SPTLC1: variants seen among roughly 807,000 people sequenced by gnomAD.
The protein encoded by SPTLC1 is serine palmitoyltransferase 1.
A neutral mutation model predicts 68.9 loss-of-function variants in SPTLC1; 55 were observed. That is an observed-to-expected ratio of 0.80 (90% CI 0.64 to 1.00). The LOEUF is 1.00. Among genes scored for constraint, SPTLC1 ranks in the 50% least tolerant of loss-of-function variants. The pLI, the probability that SPTLC1 is intolerant of heterozygous loss-of-function variation, is 0.00. For missense variants in SPTLC1, 449 were observed against 573.1 expected, an observed-to-expected ratio of 0.78 and a Z score of 2.21; for synonymous variants, 197 against 201.6, an observed-to-expected ratio of 0.98 and a Z score of 0.19.
intron 7 of SPTLC1, among the ~76,000 whole-genome samples, chr9:92,057,081 T>C (rs1006763525): frequency 9.9e-5 from 15 of 152,266 alleles, no homozygotes; most frequent in African/African-American, 3.4e-4. Flanking sequence ...ATAATTTTTG[T>C]CTTTCTTGTA....
intron 3 of SPTLC1, among the ~76,000 whole-genome samples, chr9:92,102,383 A>G (rs1835786898): frequency 1.3e-5 from 2 of 152,252 alleles, no homozygotes; most frequent in African/African-American, 4.8e-5. Flanking sequence ...ATTCTACATT[A>G]CTGAAATTAA....
At chr9:92,092,011 C>T (rs914654746) in intron 3 of SPTLC1, among the ~76,000 whole-genome samples, 4 of 152,122 alleles carry the variant, frequency 2.6e-5, no homozygotes, top group Admixed American at 6.5e-5. Flanking sequence ...AATTTAAAAA[C>T]GAAACAGAGA....
rs143398907 is a variant in SPTLC1 at position 92,064,331 on chromosome 9, C to T, written c.560+3635G>A. ...ACAAATCATACAACTAGAAAATGGA[C>T]ATGAAAAGACATTTCACTGAAGAGA... On this transcript the variant is annotated intron_variant, in intron 6 of 14. Coordinates refer to ENST00000262554, the MANE Select transcript of SPTLC1 (RefSeq NM_006415.4). Among the ~76,000 whole-genome samples, 322 of 152,164 alleles carry T rather than the reference C, an allele frequency of 2.1e-3. 1 individual carries two copies. The highest frequency in any genetic ancestry group is 7.2e-3 in the African/African-American group (301 of 41,522).
chr9:92,055,541 G>A, intron 7 of SPTLC1, 47 bp from the exon 8 acceptor site: 1 of 1,578,900 alleles, frequency 6.3e-7, no homozygotes, highest in Non-Finnish European at 8.7e-7. Flanking sequence ...TAACTCTGAA[G>A]ACAAGATCTG....
intron 3 of SPTLC1, among the ~76,000 whole-genome samples, chr9:92,096,717 C>T (rs965184913): frequency 3.9e-5 from 6 of 152,094 alleles, no homozygotes; most frequent in Non-Finnish European, 7.4e-5. Context: ...AGGGCAAAAA[C>T]TATAAACTGT....
At chr9:92,057,317 G>A (rs1833928857) in intron 7 of SPTLC1, among the ~76,000 whole-genome samples, 1 of 152,104 alleles carries the variant, frequency 6.6e-6, no homozygotes, top group Non-Finnish European at 1.5e-5. Flanking sequence ...CCTTCAAAAT[G>A]TGACATCATT....
rs767902077 is a variant in SPTLC1, at chr9:92,045,959, C to A, written c.1136+40G>T. On this transcript the variant is annotated intron_variant, in intron 12 of 14. Coordinates refer to ENST00000262554, the MANE Select transcript of SPTLC1 (RefSeq NM_006415.4). ...TTTCCATTAGTTGTTAAGTGTGGTGCAGATAAACTTTATGTTGGTTGAAAA... is the reference window on the plus strand; with the variant it reads ...TTTCCATTAGTTGTTAAGTGTGGTGAAGATAAACTTTATGTTGGTTGAAAA... 9.6e-6 allele frequency: 15 copies of A among 1,555,180 alleles called. No homozygotes were observed. In the Middle Eastern group the frequency reaches 5.0e-4, roughly 52 times the overall value.
At chr9:92,052,349 T>C (rs548196957) in intron 8 of SPTLC1, among the ~76,000 whole-genome samples, 1 of 152,204 alleles carries the variant, frequency 6.6e-6, no homozygotes, top group Admixed American at 6.5e-5. Flanking sequence ...ATTAAACAAA[T>C]GATGCAGGCA....
chr9:92,060,264 A>G (rs934883275), intron 6 of SPTLC1, among the ~76,000 whole-genome samples: 4 of 152,206 alleles, frequency 2.6e-5, no homozygotes, highest in South Asian at 2.1e-4. Flanking sequence ...CAGCGGCACA[A>G]TATGAAAGTG....
intron 2 of SPTLC1, 134 bp from the exon 3 acceptor site, chr9:92,108,968 T>C: frequency 1.5e-6 from 2 of 1,375,162 alleles, no homozygotes; most frequent in Non-Finnish European, 1.0e-6. Context: ...TTATTCAAGC[T>C]TATGTCTTCA....
At chr9:92,110,487 C>G (rs1836189968) in intron 2 of SPTLC1, 1 of 152,022 alleles carries the variant, frequency 6.6e-6, no homozygotes, top group Non-Finnish European at 1.5e-5. Context: ...ATGAATGAAC[C>G]CAAAAAGGAT....
chr9:92,034,133 C>T (rs1166073899), intron 14 of SPTLC1, among the ~76,000 whole-genome samples: 2 of 152,252 alleles, frequency 1.3e-5, no homozygotes, highest in Admixed American at 6.5e-5. Flanking sequence ...CCGACACACA[C>T]ACTTCTCTAG....
In SPTLC1 at chr9:92,050,025, C is replaced by T; in HGVS notation, c.823G>A (p.Glu275Lys). ...CCTAGGACTCCAAATGAAAGGCTTT[C>T]CTCCAGGAAGATTCTTGCTTTGTAT... Reference protein sequence around the residue: ...YKYKARIFLEESLSFGVLGEH... With the variant: ...YKYKARIFLEKSLSFGVLGEH... Residue 275 changes from glutamate to lysine, a missense_variant, in exon 9 of 15, where the codon GAA (glutamate) becomes AAA (lysine). Transcript: ENST00000262554. The T allele has an allele frequency of 6.2e-7, 1 of 1,613,926 alleles. No homozygotes were observed.
At chr9:92,101,288 C>T (rs189401503) in intron 3 of SPTLC1, among the ~76,000 whole-genome samples, 59 of 151,928 alleles carry the variant, frequency 3.9e-4, no homozygotes, top group African/African-American at 1.4e-3. Context: ...ACAGGCCAGG[C>T]GTGGTGGCTC....
intron 3 of SPTLC1, among the ~76,000 whole-genome samples, chr9:92,097,382 T>A (rs1835566776): frequency 6.6e-6 from 1 of 152,232 alleles, no homozygotes; most frequent in African/African-American, 2.4e-5. Flanking sequence ...TCATAGCAGT[T>A]TTATTATTTT....
chr9:92,072,126 A>G (rs117506206), intron 5 of SPTLC1, among the ~76,000 whole-genome samples: 4,782 of 152,256 alleles, frequency 0.031, 93 homozygotes, highest in Non-Finnish European at 0.049. Context: ...GGACGCATGC[A>G]TAACATTCGG....
chr9:92,054,805 C>G (rs150657694), intron 8 of SPTLC1, among the ~76,000 whole-genome samples: 3 of 151,904 alleles, frequency 2.0e-5, no homozygotes, highest in Admixed American at 2.0e-4. Context: ...TCCAGCTACT[C>G]GGGAGGCTGA....
intron 2 of SPTLC1, 169 bp from the exon 3 acceptor site, chr9:92,109,003 A>C (rs1357785816): frequency 9.9e-7 from 1 of 1,015,020 alleles, no homozygotes; most frequent in Admixed American, 2.6e-5. Flanking sequence ...CTTTGTTCGC[A>C]TAATACATAA....
chr9:92,033,808 G>C (rs999757539), intron 14 of SPTLC1, among the ~76,000 whole-genome samples: 3 of 152,134 alleles, frequency 2.0e-5, no homozygotes, highest in African/African-American at 7.2e-5. Flanking sequence ...CGGTCTCCCA[G>C]GTGTTGAGGT....
Sources: allele counts gnomAD v4.1 joint callset (sites outside exome capture counted in the v4.1 genomes callset), GRCh38; gene constraint gnomAD v4.1.1; transcripts MANE v1.5; gene names NCBI Gene and HGNC (gene_info 2026-07-23, HGNC 2026-07-21).